The following LRRC58 variants were observed in gnomAD, a reference collection of about 807,000 sequenced individuals.
LRRC58 encodes the protein leucine rich repeat containing 58.
LRRC58 carries 18 observed loss-of-function variants against 30.6 expected under a neutral mutation model. The observed-to-expected ratio is 0.59, with a 90% CI of 0.41 to 0.87. The LOEUF (loss-of-function observed/expected upper bound fraction) is 0.87, where lower values mean the gene tolerates loss of function less well. Among genes scored for constraint, LRRC58 ranks in the 40% least tolerant of loss-of-function variants. The pLI is 0.00. For missense variants in LRRC58, 420 were observed against 468.4 expected, an observed-to-expected ratio of 0.90 and a Z score of 0.95; for synonymous variants, 221 against 206.0, an observed-to-expected ratio of 1.07 and a Z score of -0.62.
At chr3:120,339,945 T>C (rs2319674) in intron 1 of LRRC58, among the ~76,000 whole-genome samples, 47,066 of 151,972 alleles carry the variant, frequency 0.31, 8,897 homozygotes, top group African/African-American at 0.52. Context: ...CTCACTGCAA[T>C]CTCTGCCTCT....
In LRRC58 at chr3:120,327,400, C is replaced by T. The variant is rs982179206; in HGVS notation, c.*3800G>A. 6.6e-6 allele frequency: 1 copy of T among 151,016 alleles called. No individual in the cohort carries two copies. The highest frequency in any genetic ancestry group is 1.5e-5 in the Non-Finnish European group (1 of 67,776). 9.4% of individuals were successfully genotyped at this position (151,016 alleles called of 1,614,324 possible). ...CCGAGTAGCTGGGACTACAGGCGCC[C>T]GCCATCACGCCCGGCTAATTTTTTT... On this transcript the variant is annotated 3_prime_UTR_variant, in exon 4 of 4. Coordinates refer to ENST00000295628, the MANE Select transcript of LRRC58 (RefSeq NM_001099678.2).
chr3:120,344,296 T>C (rs972410258), intron 1 of LRRC58, among the ~76,000 whole-genome samples: 1 of 152,140 alleles, frequency 6.6e-6, no homozygotes, highest in African/African-American at 2.4e-5. Context: ...GATTATAAGG[T>C]ACCTATATGT....
intron 1 of LRRC58, among the ~76,000 whole-genome samples, chr3:120,341,880 C>T (rs1346642279): frequency 1.3e-5 from 2 of 152,076 alleles, no homozygotes; most frequent in Non-Finnish European, 2.9e-5. Context: ...GCCACCTAAA[C>T]TGCAACTGTG....
chr3:120,340,917 A>G (rs1374120629), intron 1 of LRRC58, among the ~76,000 whole-genome samples: 1 of 152,190 alleles, frequency 6.6e-6, no homozygotes, highest in Non-Finnish European at 1.5e-5. Flanking sequence ...ATATATGTAT[A>G]TATTAATGAC....
rs1238373933 is a variant in LRRC58, at chr3:120,325,492, C to T, written c.*5708G>A. On this transcript the variant is annotated 3_prime_UTR_variant, in exon 4 of 4. Coordinates refer to ENST00000295628, the MANE Select transcript of LRRC58 (RefSeq NM_001099678.2). Reference sequence around the variant, plus strand: ...GATTGAATACTATCCTTTACAACAACTATTGAGAAAGACTAATGTTAGGTA... The same window carrying T: ...GATTGAATACTATCCTTTACAACAATTATTGAGAAAGACTAATGTTAGGTA... 1.3e-5 allele frequency: 2 copies of T among 152,170 alleles called. No individual in the cohort carries two copies. The highest frequency in any genetic ancestry group is 6.5e-5 in the Admixed American group (1 of 15,280). The allele number at this position is 152,170 out of a possible 1,614,324, so 9.4% of individuals were successfully genotyped here. A position where few individuals can be genotyped will look rare whatever the true frequency, so the allele number is the denominator to read the frequency against.
intron 2 of LRRC58, 91 bp downstream of exon 2, chr3:120,335,734 T>C: frequency 9.1e-7 from 1 of 1,103,726 alleles, no homozygotes; most frequent in Non-Finnish European, 1.3e-6. Context: ...TATCTAATTC[T>C]TTTCTACATA....
intron 1 of LRRC58, among the ~76,000 whole-genome samples, chr3:120,342,549 T>G (rs532891625): frequency 1.8e-4 from 28 of 152,124 alleles, no homozygotes; most frequent in Non-Finnish European, 2.5e-4. Context: ...CCGAATGACT[T>G]GCTTGAGGAG....
At chr3:120,348,625 A>T in intron 1 of LRRC58, 119 bp downstream of exon 1, 2 of 1,187,784 alleles carry the variant, frequency 1.7e-6, no homozygotes, top group Non-Finnish European at 2.3e-6. Context: ...ACTACCGCAC[A>T]GTTAAAGAGA....
chr3:120,341,950 G>A (rs926109763), intron 1 of LRRC58, among the ~76,000 whole-genome samples: 5 of 152,056 alleles, frequency 3.3e-5, no homozygotes, highest in African/African-American at 7.2e-5. Context: ...CTGCCTTCCC[G>A]CGAGCAGCTG....
chr3:120,342,635 GCTA>G (rs1366385852), intron 1 of LRRC58, among the ~76,000 whole-genome samples: 1 of 152,202 alleles, frequency 6.6e-6, no homozygotes, highest in Non-Finnish European at 1.5e-5. Context: ...ACAGAGAGGA[GCTA>G]CTCACTCATC....
At chr3:120,339,147 T>C (rs1231572573) in intron 1 of LRRC58, among the ~76,000 whole-genome samples, 2 of 152,354 alleles carry the variant, frequency 1.3e-5, no homozygotes. Context: ...CTGCTTCTTA[T>C]TGTGCTCCTC....
chr3:120,333,438 T>C (rs953155838), intron 3 of LRRC58, among the ~76,000 whole-genome samples: 1 of 152,270 alleles, frequency 6.6e-6, no homozygotes, highest in Admixed American at 6.5e-5. Flanking sequence ...AGCACAGTGC[T>C]GCAATCTCTA....
In LRRC58 at chr3:120,325,008, C is replaced by T. The variant is rs1935654339; in HGVS notation, c.*6192G>A. 1 of 152,112 alleles carries T rather than the reference C, an allele frequency of 6.6e-6. No homozygotes were observed. The highest frequency in any genetic ancestry group is 6.6e-5 in the Admixed American group (1 of 15,260). 9.4% of individuals were successfully genotyped at this position (152,112 alleles called of 1,614,324 possible). The stretch of plus-strand genomic sequence containing the variant: ...ACCCTTCGTTAATACTTTGACATCC[C>T]AAACTTTACAAAAACTTACAATGCT... On this transcript the variant is annotated 3_prime_UTR_variant, in exon 4 of 4. Coordinates refer to ENST00000295628, the MANE Select transcript of LRRC58 (RefSeq NM_001099678.2).
chr3:120,331,414 G>A lies in LRRC58; in HGVS notation c.908-6C>T. The A allele has an allele frequency of 6.2e-7, 1 of 1,603,906 alleles. No homozygotes were observed. The highest frequency in any genetic ancestry group is 1.1e-5 in the South Asian group (1 of 90,812). ...ACAGCAGTCAAAGTAGACTCCTAAA[G>A]AGAAGAAGGAATAGAAAGTAATCAT... On this transcript the variant is annotated splice_region_variant and splice_polypyrimidine_tract_variant and intron_variant, in intron 3 of 3. Coordinates refer to ENST00000295628, the MANE Select transcript of LRRC58 (RefSeq NM_001099678.2).
chr3:120,333,889 A>C (rs1308664487), intron 3 of LRRC58, among the ~76,000 whole-genome samples: 3 of 152,094 alleles, frequency 2.0e-5, no homozygotes, highest in African/African-American at 4.8e-5. Context: ...AAAATTTCCT[A>C]TCCTCAATTT....
At position 120,329,578 on chromosome 3, in the gene LRRC58, A is replaced by G. The variant is rs1935725664; in HGVS notation, c.*1622T>C. On this transcript the variant is annotated 3_prime_UTR_variant, in exon 4 of 4. Coordinates refer to ENST00000295628, the MANE Select transcript of LRRC58 (RefSeq NM_001099678.2). The stretch of plus-strand genomic sequence containing the variant: ...ATGTTTCATGAATTAATATACAAAT[A>G]AACACATAAACCCTGAATTATGCTA... 1 of 152,110 alleles carries G rather than the reference A, an allele frequency of 6.6e-6. No individual in the cohort carries two copies. Among genetic ancestry groups the G allele is most frequent in the South Asian group, 2.1e-4 (1 of 4,830 alleles). 9.4% of individuals were successfully genotyped at this position (152,110 alleles called of 1,614,324 possible). A position where few individuals can be genotyped will look rare whatever the true frequency, so the allele number is the denominator to read the frequency against.
At chr3:120,348,047 A>C (rs1285431538) in intron 1 of LRRC58, among the ~76,000 whole-genome samples, 1 of 152,236 alleles carries the variant, frequency 6.6e-6, no homozygotes, top group Non-Finnish European at 1.5e-5. Flanking sequence ...TGCAGGGAGT[A>C]GTAACGAAAA....
chr3:120,346,660 T>C (rs1021434023), intron 1 of LRRC58, among the ~76,000 whole-genome samples: 4 of 152,230 alleles, frequency 2.6e-5, no homozygotes, highest in Non-Finnish European at 4.4e-5. Flanking sequence ...GCTGGAATTA[T>C]GCAACATTAA....
chr3:120,331,251 TTC>T lies in LRRC58; in HGVS notation c.1063_1064del (p.Glu355ArgfsTer2). 1 of 1,614,006 alleles carries T rather than the reference TTC, an allele frequency of 6.2e-7. No individual in the cohort carries two copies. The stretch of plus-strand genomic sequence containing the variant: ...TGCGTGCAGCAACACTAGCTTCATC[TTC>T]TGAGTCAGATTCACTCTGGGAAGTG... Reference protein sequence around the residue: ...SSTSQSESDSEDEASVAARRM... With the variant: ...SSTSQSESDSXDEASVAARRM... On this transcript the variant is annotated frameshift_variant, in exon 4 of 4. Transcript: ENST00000295628. LOFTEE classifies it high-confidence loss of function.
Sources: allele counts gnomAD v4.1 joint callset (sites outside exome capture counted in the v4.1 genomes callset), GRCh38; gene constraint gnomAD v4.1.1; transcripts MANE v1.5; gene names NCBI Gene and HGNC (gene_info 2026-07-23, HGNC 2026-07-21).